The following HPGD variants were observed in gnomAD, a reference collection of about 807,000 sequenced individuals.
HPGD encodes 15-hydroxyprostaglandin dehydrogenase [NAD(+)].
In HPGD, 29 loss-of-function variants were observed where a neutral mutation model predicts 30.0. The observed-to-expected ratio is 0.97, with a 90% confidence interval of 0.72 to 1.32. The LOEUF is 1.32. Among genes scored for constraint, HPGD ranks in the 40% most tolerant of loss-of-function variants. The pLI is 0.00. For synonymous variants in HPGD, 99 were observed against 112.4 expected, an observed-to-expected ratio of 0.88 and a Z score of 0.75; for missense variants, 340 against 322.1, an observed-to-expected ratio of 1.06 and a Z score of -0.43.
intron 3 of HPGD, among the ~76,000 whole-genome samples, chr4:174,516,939 C>A (rs1054287629): frequency 7.2e-5 from 11 of 152,248 alleles, no homozygotes; most frequent in Middle Eastern, 3.4e-3. Context: ...CAACCCAGTT[C>A]TTGTTTTTAT....
chr4:174,495,368 A>G lies in HPGD; in HGVS notation c.498+180T>C, dbSNP rs184738257. 5.4e-4 allele frequency: 336 copies of G among 617,088 alleles called. 1 individual carries two copies. The East Asian group carries it at 8.2e-3, about 15-fold the overall frequency. 38.2% of individuals were successfully genotyped at this position (617,088 alleles called of 1,614,324 possible). ...TATTTAGAATCCACTTCATTTAAAA[A>G]TGATCTATTATTTATTTGGTTCTTT... is the stretch of plus-strand genomic sequence containing the variant. On this transcript the variant is annotated intron_variant, in intron 5 of 6. Transcript: ENST00000296522.
chr4:174,499,227 T>C (rs1734789013), intron 4 of HPGD, among the ~76,000 whole-genome samples: 1 of 152,196 alleles, frequency 6.6e-6, no homozygotes. Context: ...GTGCCGCTTA[T>C]GTTCCTACCA....
In HPGD at chr4:174,491,831, C is replaced by T; in HGVS notation, c.*125G>A. 1 of 880,346 alleles carries T rather than the reference C, an allele frequency of 1.1e-6. No individual in the cohort carries two copies. 54.5% of individuals were successfully genotyped at this position (880,346 alleles called of 1,614,324 possible). On this transcript the variant is annotated 3_prime_UTR_variant, in exon 7 of 7. Transcript: ENST00000296522. The stretch of plus-strand genomic sequence containing the variant: ...AACTAAAAATTTAGAAAACGTTTAT[C>T]ACCAAGTGCATGAAGGAAAACTTCA...
intron 4 of HPGD, among the ~76,000 whole-genome samples, chr4:174,497,184 T>C (rs1477929008): frequency 6.6e-6 from 1 of 152,222 alleles, no homozygotes; most frequent in African/African-American, 2.4e-5. Flanking sequence ...AAATGCAGCA[T>C]GAACCTTAAT....
intron 2 of HPGD, among the ~76,000 whole-genome samples, chr4:174,520,679 T>C (rs534356384): frequency 1.3e-5 from 2 of 152,360 alleles, no homozygotes; most frequent in South Asian, 2.1e-4. Flanking sequence ...TTTATGAAAC[T>C]ATATAAATTG....
In HPGD at chr4:174,521,990, C is replaced by T; in HGVS notation, c.171G>A (p.Lys57=). Reference sequence around the variant, plus strand: ...CCACATCGCACTGGATGAACAGAGTCTTCTGAGGTTCAAACTGCTCATCCA... The same window carrying T: ...CCACATCGCACTGGATGAACAGAGTTTTCTGAGGTTCAAACTGCTCATCCA... ...AALDEQFEPQ[K]TLFIQCDVAD... is the part of the protein sequence containing the mutation. Residue 57 remains lysine, a synonymous_variant, in exon 2 of 7, where the codon AAG becomes AAA. Transcript: ENST00000296522. 1 of 1,614,144 alleles carries T rather than the reference C, an allele frequency of 6.2e-7. No homozygotes were observed. Among genetic ancestry groups the T allele is most frequent in the Non-Finnish European group, 8.5e-7 (1 of 1,179,974 alleles).
Position 174,491,753 on chromosome 4 carries a change from C to A in HPGD, c.*203G>T, listed in dbSNP as rs879607069. On this transcript the variant is annotated 3_prime_UTR_variant, in exon 7 of 7. Coordinates refer to ENST00000296522, the MANE Select transcript of HPGD (RefSeq NM_000860.6). ...TTAGACTATCAAGATTACAACCTAG[C>A]CTTTGGTCCACATCACATTTTTAAT... 14 of 546,730 alleles carry A rather than the reference C, an allele frequency of 2.6e-5. No homozygotes were observed. Among genetic ancestry groups the A allele is most frequent in the Admixed American group, 1.2e-4 (4 of 32,042 alleles). 33.9% of individuals were successfully genotyped at this position (546,730 alleles called of 1,614,324 possible).
rs1310268504 is a variant in HPGD, at chr4:174,494,200, G to A, written c.499-886C>T. The stretch of plus-strand genomic sequence containing the variant: ...TTTTGATCAGGCATGAGTAATAAGT[G>A]CTTTAGTAATGAGTTCAATGTTCAT... On this transcript the variant is annotated intron_variant, in intron 5 of 6. Transcript: ENST00000296522. The surrounding 1 kb of genome is among the most constrained non-coding windows in gnomAD (Gnocchi z 4.9). Among the ~76,000 whole-genome samples, 1 of 152,108 alleles carries A rather than the reference G, an allele frequency of 6.6e-6. No individual in the cohort carries two copies. Among genetic ancestry groups the A allele is most frequent in the Non-Finnish European group, 1.5e-5 (1 of 68,030 alleles).
At position 174,493,289 on chromosome 4, in the gene HPGD, C is replaced by T. The variant is rs1477977007; in HGVS notation, c.524G>A (p.Gly175Asp). The change falls in exon 6 of 7, where the codon GGT becomes GAT. Residue 175 changes from glycine (G) to aspartate (D), a missense_variant. Transcript: ENST00000296522. ...AALAANLMNSGVRLNAICPGF... is the reference protein window; with the variant it reads ...AALAANLMNSDVRLNAICPGF... ...TGGACAAATGGCATTCAGTCTCACA[C>T]CACTGTTCATAAGATTAGCAGCCAA... is the stretch of plus-strand genomic sequence containing the variant. The T allele has an allele frequency of 2.5e-6, 4 of 1,613,120 alleles. No homozygotes were observed. Among genetic ancestry groups the T allele is most frequent in the African/African-American group, 2.7e-5 (2 of 74,880 alleles).
intron 4 of HPGD, among the ~76,000 whole-genome samples, chr4:174,497,568 CTTTTTTTTTTTT>C (rs778825547): frequency 5.9e-5 from 3 of 51,114 alleles, no homozygotes; most frequent in Non-Finnish European, 8.1e-5. Flanking sequence ...CTTTTTCTTT[CTTTTTTTTTTTT>C]TTTTTTTTTT....
rs1734292670 is a variant in HPGD at position 174,490,577 on chromosome 4, A to T, written c.*1379T>A. The T allele has an allele frequency of 6.6e-6, 1 of 152,332 alleles. No individual in the cohort carries two copies. The highest frequency in any genetic ancestry group is 6.5e-5 in the Admixed American group (1 of 15,280). The allele number at this position is 152,332 out of a possible 1,614,324, so 9.4% of individuals were successfully genotyped here. A position where few individuals can be genotyped will look rare whatever the true frequency, so the allele number is the denominator to read the frequency against. On this transcript the variant is annotated 3_prime_UTR_variant, in exon 7 of 7. Transcript: ENST00000296522. The surrounding 1 kb of genome is among the most constrained non-coding windows in gnomAD (Gnocchi z 4.4). The stretch of plus-strand genomic sequence containing the variant: ...GTTTATCTCTATCAGATGTTCATTG[A>T]TGTTCACTACTTTGTCTTTAATACA...
At position 174,494,509 on chromosome 4, in the gene HPGD, A is replaced by G. The variant is rs1328702029; in HGVS notation, c.498+1039T>C. Among the ~76,000 whole-genome samples the G allele has an allele frequency of 6.6e-6, 1 of 152,142 alleles. No homozygotes were observed. The highest frequency in any genetic ancestry group is 1.5e-5 in the Non-Finnish European group (1 of 68,024). ...TTACTTTGCTTTGTAAGAGAGCTTT[A>G]TGTGTTTATAAGAAGTCTGTCTGAA... On this transcript the variant is annotated intron_variant, in intron 5 of 6. Transcript: ENST00000296522. This position sits in a 1 kb window ranked among gnomAD's most constrained non-coding sequence, Gnocchi z 4.9.
At position 174,497,885 on chromosome 4, in the gene HPGD, CTCTCTCTCTT is replaced by C. The variant is rs569060379; in HGVS notation, c.422-2271_422-2262del. 3.9e-3 allele frequency among the ~76,000 whole-genome samples: 562 copies of C among 144,726 alleles called. 2 individuals are homozygous for C. Among genetic ancestry groups the C allele is most frequent in the Non-Finnish European group, 6.6e-3 (433 of 65,840 alleles). The allele number at this position is 144,726 out of a possible 152,430, so 94.9% of individuals were successfully genotyped here. A position where few individuals can be genotyped will look rare whatever the true frequency, so the allele number is the denominator to read the frequency against. Reference sequence around the variant, plus strand: ...GCCACCATGGCCGGCCTCACTTTCTCTCTCTCTCTTTCTCTCTCTCTCTCTCTTCCCCCCG... The same window carrying C: ...GCCACCATGGCCGGCCTCACTTTCTCTCTCTCTCTCTCTCTCTTCCCCCCG... On this transcript the variant is annotated intron_variant, in intron 4 of 6. Transcript: ENST00000296522.
At chr4:174,518,100 G>T in intron 2 of HPGD, 23 bp from the exon 3 acceptor site, 1 of 1,099,788 alleles carries the variant, frequency 9.1e-7, no homozygotes, top group Non-Finnish European at 1.4e-6. Context: ...CAAGATATTA[G>T]TGATACATTC....
intron 4 of HPGD, among the ~76,000 whole-genome samples, chr4:174,505,896 A>T (rs1735164392): frequency 6.6e-6 from 1 of 152,174 alleles, no homozygotes. Context: ...CATGTGGAGG[A>T]AAATCAGAGG....
intron 3 of HPGD, among the ~76,000 whole-genome samples, chr4:174,515,227 A>T (rs2110860725): frequency 6.6e-6 from 1 of 152,332 alleles, no homozygotes; most frequent in East Asian, 1.9e-4. Flanking sequence ...AAGTAAAATG[A>T]ACAAAGCTGG....
upstream of HPGD, chr4:174,522,524 TGC>T (rs938395873): frequency 6.0e-4 from 709 of 1,176,714 alleles, no homozygotes; most frequent in South Asian, 7.1e-4. Flanking sequence ...TATGCCCCCC[TGC>T]GCGCGCGCGC....
At chr4:174,511,008 C>A (rs1013777287) in intron 3 of HPGD, among the ~76,000 whole-genome samples, 8 of 152,164 alleles carry the variant, frequency 5.3e-5, no homozygotes, top group African/African-American at 1.9e-4. Flanking sequence ...TGCAGTGGCA[C>A]TGTGCTGGAT....
chr4:174,500,579 C>T (rs1028446014), intron 4 of HPGD, among the ~76,000 whole-genome samples: 1 of 152,130 alleles, frequency 6.6e-6, no homozygotes, highest in Non-Finnish European at 1.5e-5. Context: ...AAAGGGCTAT[C>T]AAGCCATGAA....
Sources: gnomAD v4.1 joint callset for allele counts (sites outside exome capture counted in the v4.1 genomes callset) on GRCh38, gnomAD v4.1.1 for gene constraint, Gnocchi (gnomAD v3.1) non-coding constraint, MANE v1.5 for transcripts, NCBI Gene and HGNC (gene_info 2026-07-23, HGNC 2026-07-21) for gene names.